NFAT5: variants seen among roughly 807,000 people sequenced by gnomAD.
NFAT5 encodes the protein nuclear factor of activated T-cells 5.
Under a neutral mutation model 166.5 loss-of-function variants are expected in NFAT5, and 31 were observed. The observed-to-expected ratio is 0.19, with a 90% CI of 0.14 to 0.25. The LOEUF is 0.25. Ranked by LOEUF, NFAT5 falls within the 10% of genes least tolerant of loss-of-function variation. The probability of loss-of-function intolerance (pLI) is 1.00; values close to 1 mark genes in which losing one functional copy is unlikely to be tolerated. For synonymous variants in NFAT5, 612 were observed against 639.7 expected (o/e 0.96, Z 0.65); for missense variants, 1,449 against 1,821.8 (o/e 0.80, Z 3.72).
rs540819511 is a variant in NFAT5 at position 69,684,376 on chromosome 16, T to G, written c.1691-511T>G. On this transcript the variant is annotated intron_variant, in intron 10 of 14. Transcript: ENST00000349945. ...GAGTTCAAGACCAGCCTGGCCAAGA[T>G]GGTGAAACCTTGTCTCTACTAAAAA... Among the ~76,000 whole-genome samples, 16 of 150,052 alleles carry G rather than the reference T, an allele frequency of 1.1e-4. No individual in the cohort carries two copies. The East Asian group carries it at 3.3e-3, about 31-fold the overall frequency.
chr16:69,682,236 T>C (rs1211980220), intron 10 of NFAT5, among the ~76,000 whole-genome samples: 1 of 151,934 alleles, frequency 6.6e-6, no homozygotes, highest in African/African-American at 2.4e-5. Flanking sequence ...AATCACACAT[T>C]ATTTGCTGTA....
intron 9 of NFAT5, among the ~76,000 whole-genome samples, chr16:69,673,713 C>G (rs2036717472): frequency 6.6e-6 from 1 of 151,496 alleles, no homozygotes; most frequent in Non-Finnish European, 1.5e-5. Flanking sequence ...ACAGTGAGAC[C>G]CTGTCTCAAA....
At chr16:69,571,367 C>G (rs1329911937) in intron 2 of NFAT5, among the ~76,000 whole-genome samples, 1 of 151,942 alleles carries the variant, frequency 6.6e-6, no homozygotes. Context: ...CCTGACTACC[C>G]TTTGAGATGG....
At chr16:69,645,252 A>G (rs965117754) in intron 3 of NFAT5, among the ~76,000 whole-genome samples, 2 of 152,236 alleles carry the variant, frequency 1.3e-5, no homozygotes, top group African/African-American at 4.8e-5. Context: ...AATGCATGAT[A>G]CAAAATTGAT....
intron 2 of NFAT5, among the ~76,000 whole-genome samples, chr16:69,574,892 G>T (rs1267227565): frequency 2.6e-5 from 4 of 151,836 alleles, no homozygotes; most frequent in Admixed American, 6.6e-5. Context: ...GGATGGTCTC[G>T]AACTCCTGAC....
At chr16:69,678,073 G>A (rs548960054) in intron 10 of NFAT5, among the ~76,000 whole-genome samples, 66 of 151,784 alleles carry the variant, frequency 4.3e-4, no homozygotes, top group African/African-American at 1.5e-3. Flanking sequence ...AAGGAGAATT[G>A]CCTGAACCTG....
intron 2 of NFAT5, among the ~76,000 whole-genome samples, chr16:69,581,542 C>T: frequency 6.6e-6 from 1 of 152,138 alleles, no homozygotes; most frequent in East Asian, 1.9e-4. Flanking sequence ...GATGGCTGCA[C>T]CATTTTTTCA....
At chr16:69,577,374 T>C (rs1043247633) in intron 2 of NFAT5, among the ~76,000 whole-genome samples, 1 of 152,216 alleles carries the variant, frequency 6.6e-6, no homozygotes, top group African/African-American at 2.4e-5. Context: ...CTATTATGGC[T>C]AAGTAACCTA....
Position 69,700,535 on chromosome 16 carries a change from G to A in NFAT5, c.*4184G>A, listed in dbSNP as rs1052392985. The A allele has an allele frequency of 7.2e-5, 11 of 152,096 alleles. No individual in the cohort carries two copies. The highest frequency in any genetic ancestry group is 5.9e-4 in the Admixed American group (9 of 15,268). 9.4% of individuals were successfully genotyped at this position (152,096 alleles called of 1,614,324 possible). ...ATAATTAAAGTCTCAAATCACCATGGTTATACATTTTCACCAGAAATAGTA... is the reference window on the plus strand; with the variant it reads ...ATAATTAAAGTCTCAAATCACCATGATTATACATTTTCACCAGAAATAGTA... On this transcript the variant is annotated 3_prime_UTR_variant, in exon 15 of 15. Transcript: ENST00000349945.
intron 2 of NFAT5, among the ~76,000 whole-genome samples, chr16:69,596,080 T>G (rs923399223): frequency 6.6e-6 from 1 of 152,184 alleles, no homozygotes; most frequent in African/African-American, 2.4e-5. Flanking sequence ...TGACCATGGG[T>G]AACTGAAACC....
chr16:69,599,636 T>TG (rs946669791), intron 2 of NFAT5, among the ~76,000 whole-genome samples: 2 of 151,910 alleles, frequency 1.3e-5, no homozygotes, highest in African/African-American at 4.8e-5. Flanking sequence ...AAGAAAATGG[T>TG]GGGGGCACTA....
At chr16:69,626,774 A>T (rs949824712) in intron 3 of NFAT5, among the ~76,000 whole-genome samples, 9 of 152,194 alleles carry the variant, frequency 5.9e-5, no homozygotes, top group African/African-American at 2.2e-4. Flanking sequence ...TTGTCTTCAA[A>T]TATGGGAACC....
intron 2 of NFAT5, among the ~76,000 whole-genome samples, chr16:69,606,106 C>T (rs1390014725): frequency 2.0e-5 from 3 of 152,168 alleles, no homozygotes; most frequent in Admixed American, 2.0e-4. Flanking sequence ...GTAGGCAGTT[C>T]TTTCTCATTA....
At chr16:69,671,263 G>T (rs2036609716) in intron 9 of NFAT5, among the ~76,000 whole-genome samples, 1 of 152,138 alleles carries the variant, frequency 6.6e-6, no homozygotes, top group Non-Finnish European at 1.5e-5. Flanking sequence ...GGCTCAAACA[G>T]TATTTTTCCT....
At chr16:69,682,445 C>G (rs1567603879) in intron 10 of NFAT5, among the ~76,000 whole-genome samples, 1 of 149,476 alleles carries the variant, frequency 6.7e-6, no homozygotes, top group Non-Finnish European at 1.5e-5. Context: ...CCCCCCCCCG[C>G]CATCCCTACA....
chr16:69,615,896 C>T (rs754494191), intron 2 of NFAT5, among the ~76,000 whole-genome samples: 7 of 152,142 alleles, frequency 4.6e-5, no homozygotes, highest in Non-Finnish European at 7.4e-5. Flanking sequence ...ATGCTCTTGA[C>T]ACCTGGGGCT....
intron 7 of NFAT5, among the ~76,000 whole-genome samples, chr16:69,662,755 C>T (rs747214267): frequency 1.3e-5 from 2 of 151,678 alleles, no homozygotes; most frequent in Admixed American, 1.3e-4. Context: ...CCACTGCGCC[C>T]GGCCGACAAC....
At chr16:69,680,200 C>T (rs1414395036) in intron 10 of NFAT5, among the ~76,000 whole-genome samples, 1 of 152,074 alleles carries the variant, frequency 6.6e-6, no homozygotes, top group Non-Finnish European at 1.5e-5. Flanking sequence ...TAATGTTTGG[C>T]AGGAGCTTGC....
chr16:69,624,468 G>A (rs1308741508), intron 2 of NFAT5, among the ~76,000 whole-genome samples: 1 of 152,128 alleles, frequency 6.6e-6, no homozygotes, highest in Non-Finnish European at 1.5e-5. Flanking sequence ...CGGCCTCCCA[G>A]TGTTGGGATT....
Sources: allele counts gnomAD v4.1 joint callset (sites outside exome capture counted in the v4.1 genomes callset), GRCh38; gene constraint gnomAD v4.1.1; transcripts MANE v1.5; gene names NCBI Gene and HGNC (gene_info 2026-07-23, HGNC 2026-07-21).